The following ALKBH1 variants were observed in gnomAD, a reference collection of about 807,000 sequenced individuals.
ALKBH1 encodes alkB homolog 1, histone H2A dioxygenase, also known as nucleic acid dioxygenase ALKBH1.
Under a neutral mutation model 36.6 loss-of-function variants are expected in ALKBH1, and 31 were observed. That is an observed-to-expected ratio of 0.85 (90% CI 0.64 to 1.14). The LOEUF is 1.14. Ranked by LOEUF, ALKBH1 falls within the 50% of genes most tolerant of loss-of-function variation. The probability of loss-of-function intolerance (pLI) is 0.00; values close to 1 mark genes in which losing one functional copy is unlikely to be tolerated. For missense variants in ALKBH1, 490 were observed against 497.3 expected (o/e 0.99, Z 0.14); for synonymous variants, 183 against 186.6 (o/e 0.98, Z 0.16).
intron 2 of ALKBH1, 94 bp from the exon 3 acceptor site, chr14:77,694,994 A>T: frequency 9.1e-7 from 1 of 1,093,206 alleles, no homozygotes; most frequent in South Asian, 2.8e-5. Flanking sequence ...CTATTTTGTT[A>T]TTTACTCCCC....
At position 77,678,545 on chromosome 14, in the gene ALKBH1, C is replaced by CAA. The variant is rs35334986; in HGVS notation, c.546+1333_546+1334dup. Among the ~76,000 whole-genome samples, 48 of 118,326 alleles carry CAA rather than the reference C, an allele frequency of 4.1e-4. No individual in the cohort carries two copies. The East Asian group carries it at 5.5e-3, about 14-fold the overall frequency. 77.6% of individuals were successfully genotyped at this position (118,326 alleles called of 152,430 possible). On this transcript the variant is annotated intron_variant, in intron 4 of 5. Transcript: ENST00000216489. ...CCTAGGTGACAGTGTAAGACCATTA[C>CAA]AAAAAAAAAAAAAAAACAGACAAAG... is the stretch of plus-strand genomic sequence containing the variant.
intron 2 of ALKBH1, among the ~76,000 whole-genome samples, chr14:77,701,716 TG>T (rs1355595577): frequency 6.6e-6 from 1 of 152,134 alleles, no homozygotes; most frequent in African/African-American, 2.4e-5. Flanking sequence ...TCCTGTATTT[TG>T]GACATTATAT....
chr14:77,693,601 T>C (rs2080310385), intron 3 of ALKBH1, among the ~76,000 whole-genome samples: 1 of 152,208 alleles, frequency 6.6e-6, no homozygotes, highest in Admixed American at 6.5e-5. Context: ...CTCTACTCAG[T>C]AGAGACTTTT....
intron 3 of ALKBH1, 70 bp from the exon 4 acceptor site, chr14:77,680,040 T>G: frequency 8.1e-7 from 1 of 1,232,900 alleles, no homozygotes; most frequent in Non-Finnish European, 1.2e-6. Flanking sequence ...GTATGGACTC[T>G]GGAGTTAAAA....
At chr14:77,705,505 A>T (rs1197442106) in intron 1 of ALKBH1, among the ~76,000 whole-genome samples, 10 of 152,172 alleles carry the variant, frequency 6.6e-5, no homozygotes, top group Non-Finnish European at 1.5e-4. Context: ...CTGTCTGCTA[A>T]AAGTAAAAGC....
chr14:77,698,264 T>C (rs1382246280), intron 2 of ALKBH1, among the ~76,000 whole-genome samples: 2 of 151,904 alleles, frequency 1.3e-5, no homozygotes, highest in African/African-American at 2.4e-5. Flanking sequence ...AGGAAAGAAA[T>C]AGAGCAAGGT....
At chr14:77,684,089 C>T (rs2080254259) in intron 3 of ALKBH1, 1 of 152,254 alleles carries the variant, frequency 6.6e-6, no homozygotes, top group Non-Finnish European at 1.5e-5. Flanking sequence ...ACAGAACCCA[C>T]TTAATTTTTG....
intron 3 of ALKBH1, among the ~76,000 whole-genome samples, chr14:77,685,102 TC>T (rs561049445): frequency 5.3e-5 from 8 of 152,312 alleles, no homozygotes; most frequent in African/African-American, 1.9e-4. Context: ...AATAGAATCA[TC>T]CTGTAATATA....
chr14:77,706,640 C>T (rs1259011975), intron 1 of ALKBH1, among the ~76,000 whole-genome samples: 2 of 152,196 alleles, frequency 1.3e-5, no homozygotes, highest in Admixed American at 1.3e-4. Flanking sequence ...CACATAATGG[C>T]TCATTCCCTG....
chr14:77,702,952 C>T (rs1295006104), intron 2 of ALKBH1, among the ~76,000 whole-genome samples: 5 of 152,104 alleles, frequency 3.3e-5, no homozygotes, highest in Non-Finnish European at 5.9e-5. Flanking sequence ...GTCAGGAGTT[C>T]GAAACCAGCT....
At chr14:77,686,843 C>G (rs2080271054) in intron 3 of ALKBH1, among the ~76,000 whole-genome samples, 1 of 152,072 alleles carries the variant, frequency 6.6e-6, no homozygotes, top group African/African-American at 2.4e-5. Context: ...AGGATGGTCT[C>G]GATTTCTTGA....
chr14:77,675,924 C>T (rs1311082175), intron 4 of ALKBH1, 75 bp from the exon 5 acceptor site: 2 of 1,191,122 alleles, frequency 1.7e-6, no homozygotes, highest in African/African-American at 1.5e-5. Context: ...GATTAATTAC[C>T]ACTTTAAAAT....
At chr14:77,699,880 C>A (rs529382714) in intron 2 of ALKBH1, among the ~76,000 whole-genome samples, 1 of 152,074 alleles carries the variant, frequency 6.6e-6, no homozygotes, top group South Asian at 2.1e-4. Flanking sequence ...CAATGAAACC[C>A]CGTCTCTACT....
intron 3 of ALKBH1, among the ~76,000 whole-genome samples, chr14:77,682,013 G>A (rs950385784): frequency 6.6e-6 from 1 of 152,148 alleles, no homozygotes; most frequent in Non-Finnish European, 1.5e-5. Flanking sequence ...AAATCTGTAA[G>A]TGCAACCATC....
At chr14:77,704,325 A>C (rs768406863) in intron 2 of ALKBH1, 44 bp downstream of exon 2, 5 of 1,365,806 alleles carry the variant, frequency 3.7e-6, no homozygotes, top group South Asian at 2.3e-5. Flanking sequence ...TGAAGACATA[A>C]ATGATTGAGT....
intron 3 of ALKBH1, among the ~76,000 whole-genome samples, chr14:77,685,697 G>A (rs2080264505): frequency 1.3e-5 from 2 of 149,772 alleles, no homozygotes; most frequent in South Asian, 4.3e-4. Flanking sequence ...GAGCCTGGGA[G>A]GAGAAGGTTG....
At chr14:77,689,227 A>G (rs1003469640) in intron 3 of ALKBH1, among the ~76,000 whole-genome samples, 1 of 152,172 alleles carries the variant, frequency 6.6e-6, no homozygotes, top group African/African-American at 2.4e-5. Context: ...TTCTTCTGGG[A>G]AGTCTTTCTC....
intron 3 of ALKBH1, among the ~76,000 whole-genome samples, chr14:77,689,043 T>A (rs1283691323): frequency 6.6e-6 from 1 of 152,236 alleles, no homozygotes; most frequent in African/African-American, 2.4e-5. Flanking sequence ...ATTTATATTC[T>A]GGCTCTAACT....
rs139851322 is a variant in ALKBH1, at chr14:77,679,348, T to C, written c.546+532A>G. On this transcript the variant is annotated intron_variant, in intron 4 of 5. Coordinates refer to ENST00000216489, the MANE Select transcript of ALKBH1 (RefSeq NM_006020.3). ...TGAGAACTGCTCTTGAAAAGAGTTC[T>C]ATATTCCTGGAACCTACTGTGAGAA... 6.0e-4 allele frequency among the ~76,000 whole-genome samples: 92 copies of C among 152,342 alleles called. 1 individual carries two copies. In the East Asian group the frequency reaches 0.015, roughly 25 times the overall value.
Sources: gnomAD v4.1 joint callset for allele counts (sites outside exome capture counted in the v4.1 genomes callset) on GRCh38, gnomAD v4.1.1 for gene constraint, MANE v1.5 for transcripts, NCBI Gene and HGNC (gene_info 2026-07-23, HGNC 2026-07-21) for gene names.